TAFA1: variants seen among roughly 807,000 people sequenced by gnomAD.
TAFA1 encodes chemokine-like protein TAFA-1.
TAFA1 carries 4 observed loss-of-function variants against 18.5 expected under a neutral mutation model. That is an observed-to-expected ratio of 0.22 (90% confidence interval 0.11 to 0.49). The LOEUF is 0.49. TAFA1 is among the 20% of genes least tolerant of loss of function. The probability of loss-of-function intolerance (pLI) is 0.98; values close to 1 mark genes in which losing one functional copy is unlikely to be tolerated. For missense variants in TAFA1, 147 were observed against 169.0 expected (o/e 0.87, Z 0.72); for synonymous variants, 56 against 55.2 (o/e 1.01, Z -0.06).
intron 2 of TAFA1, among the ~76,000 whole-genome samples, chr3:68,184,184 C>T (rs2066241398): frequency 6.6e-6 from 1 of 152,022 alleles, no homozygotes; most frequent in African/African-American, 2.4e-5. Flanking sequence ...CTGCGAATTT[C>T]CGTGAATAAG....
At chr3:68,500,588 A>G (rs190302667) in intron 3 of TAFA1, among the ~76,000 whole-genome samples, 1 of 152,188 alleles carries the variant, frequency 6.6e-6, no homozygotes, top group Non-Finnish European at 1.5e-5. Flanking sequence ...TAACTTAGTC[A>G]CACCCATTTG....
intron 2 of TAFA1, among the ~76,000 whole-genome samples, chr3:68,367,545 G>A (rs1196356122): frequency 1.3e-5 from 2 of 152,194 alleles, no homozygotes; most frequent in Admixed American, 6.5e-5. Flanking sequence ...TCACTTGTAA[G>A]CAAAGAGACA....
At chr3:68,497,657 G>A (rs1271993313) in intron 3 of TAFA1, among the ~76,000 whole-genome samples, 12 of 152,138 alleles carry the variant, frequency 7.9e-5, no homozygotes, top group Non-Finnish European at 1.3e-4. Context: ...ATCTTGCAAG[G>A]AGCCTGAAAT....
chr3:68,202,493 A>T (rs2107043271), intron 2 of TAFA1, among the ~76,000 whole-genome samples: 1 of 151,636 alleles, frequency 6.6e-6, no homozygotes, highest in Middle Eastern at 3.4e-3. Flanking sequence ...TTATAATTCA[A>T]TTCTCTCTCC....
intron 2 of TAFA1, among the ~76,000 whole-genome samples, chr3:68,270,651 C>G (rs1238407601): frequency 6.6e-6 from 1 of 152,092 alleles, no homozygotes; most frequent in Non-Finnish European, 1.5e-5. Flanking sequence ...ACTCAAGTAC[C>G]CTTCCTTTTG....
At chr3:68,164,879 A>G (rs556036724) in intron 2 of TAFA1, among the ~76,000 whole-genome samples, 3 of 152,192 alleles carry the variant, frequency 2.0e-5, no homozygotes, top group Admixed American at 6.5e-5. Flanking sequence ...GAGATGTATC[A>G]TTTTAAGAAT....
chr3:68,361,026 T>G (rs2069457877), intron 2 of TAFA1, among the ~76,000 whole-genome samples: 1 of 152,164 alleles, frequency 6.6e-6, no homozygotes, highest in Non-Finnish European at 1.5e-5. Context: ...AATGCACTTT[T>G]GCTGAAAACT....
chr3:68,226,658 A>G (rs2066804573), intron 2 of TAFA1, among the ~76,000 whole-genome samples: 1 of 152,176 alleles, frequency 6.6e-6, no homozygotes, highest in Admixed American at 6.5e-5. Context: ...TTTACAAGGT[A>G]CTTTCATGTA....
rs1032263161 is a variant in TAFA1 at position 68,143,967 on chromosome 3, C to T, written c.118+137223C>T. Among the ~76,000 whole-genome samples the T allele has an allele frequency of 2.0e-5, 3 of 151,874 alleles. No individual in the cohort carries two copies. The East Asian group carries it at 5.8e-4, about 29-fold the overall frequency. On this transcript the variant is annotated intron_variant, in intron 2 of 4. Coordinates refer to ENST00000478136, the MANE Select transcript of TAFA1 (RefSeq NM_213609.4). ...ATATCCAACATGCTCTTTATGTCAG[C>T]AGGAACCCTGGAGGAGTCTTTTTTT...
intron 2 of TAFA1, among the ~76,000 whole-genome samples, chr3:68,228,347 G>A (rs1439885519): frequency 9.9e-5 from 15 of 152,054 alleles, no homozygotes; most frequent in East Asian, 3.9e-4. Flanking sequence ...TTGAATTCCC[G>A]CTCAAGCTAT....
intron 2 of TAFA1, among the ~76,000 whole-genome samples, chr3:68,409,816 A>T (rs1284270769): frequency 6.6e-6 from 1 of 152,156 alleles, no homozygotes. Context: ...AGCTATTTCT[A>T]TTAAATATCA....
intron 2 of TAFA1, among the ~76,000 whole-genome samples, chr3:68,080,708 G>C (rs2064887008): frequency 6.6e-6 from 1 of 152,158 alleles, no homozygotes; most frequent in Admixed American, 6.5e-5. Context: ...GCTTCCCTTT[G>C]AGGGTAACCT....
intron 2 of TAFA1, among the ~76,000 whole-genome samples, chr3:68,104,135 T>C (rs953156306): frequency 4.6e-5 from 7 of 152,136 alleles, no homozygotes; most frequent in Admixed American, 4.6e-4. Flanking sequence ...TCACATTCTG[T>C]ACTCATGGCT....
chr3:68,259,921 C>A (rs2067379025), intron 2 of TAFA1, among the ~76,000 whole-genome samples: 1 of 151,644 alleles, frequency 6.6e-6, no homozygotes, highest in African/African-American at 2.4e-5. Flanking sequence ...TAATTGAATA[C>A]CCTTTATTTC....
intron 2 of TAFA1, among the ~76,000 whole-genome samples, chr3:68,274,324 A>G (rs974721492): frequency 2.0e-5 from 3 of 152,228 alleles, no homozygotes; most frequent in African/African-American, 4.8e-5. Flanking sequence ...GAAGGATTCA[A>G]AAGAGAAAAC....
At chr3:68,381,704 T>C (rs1485027823) in intron 2 of TAFA1, among the ~76,000 whole-genome samples, 1 of 152,226 alleles carries the variant, frequency 6.6e-6, no homozygotes, top group African/African-American at 2.4e-5. Flanking sequence ...CATACAATCA[T>C]GTCATCTGCA....
chr3:68,521,462 G>A (rs2073020118), intron 3 of TAFA1, among the ~76,000 whole-genome samples: 1 of 152,128 alleles, frequency 6.6e-6, no homozygotes, highest in Non-Finnish European at 1.5e-5. Context: ...AACTGGAAAT[G>A]TACAATCACT....
chr3:68,470,709 T>C (rs1230511367), intron 3 of TAFA1, among the ~76,000 whole-genome samples: 1 of 151,934 alleles, frequency 6.6e-6, no homozygotes, highest in African/African-American at 2.4e-5. Flanking sequence ...ATTCAAGAGG[T>C]GATTTAGGTG....
intron 2 of TAFA1, among the ~76,000 whole-genome samples, chr3:68,062,027 A>G (rs1182170947): frequency 1.3e-5 from 2 of 152,156 alleles, no homozygotes; most frequent in African/African-American, 2.4e-5. Context: ...CATATACTAG[A>G]CATAAGTATG....
Sources: allele counts gnomAD v4.1 joint callset (sites outside exome capture counted in the v4.1 genomes callset), GRCh38; gene constraint gnomAD v4.1.1; transcripts MANE v1.5; gene names NCBI Gene and HGNC (gene_info 2026-07-23, HGNC 2026-07-21).